Variants in KCNN2 observed in about 807,000 individuals in gnomAD.
KCNN2 encodes the protein potassium calcium-activated channel subfamily N member 2, also known as small conductance calcium-activated potassium channel protein 2.
In KCNN2, 24 loss-of-function variants were observed where a neutral mutation model predicts 55.5. That is an observed-to-expected ratio of 0.43 (90% CI 0.31 to 0.61). The LOEUF (loss-of-function observed/expected upper bound fraction) is 0.61. Among genes scored for constraint, KCNN2 ranks in the 20% least tolerant of loss-of-function variants. KCNN2 has a pLI of 0.08. For synonymous variants in KCNN2, 431 were observed against 336.1 expected, an observed-to-expected ratio of 1.28 and a Z score of -3.09; for missense variants, 754 against 853.6, an observed-to-expected ratio of 0.88 and a Z score of 1.45.
chr5:114,318,610 TG>T (rs2150028532), intron 2 of KCNN2, among the ~76,000 whole-genome samples: 1 of 151,282 alleles, frequency 6.6e-6, no homozygotes, highest in African/African-American at 2.4e-5. Context: ...TAATTGTATA[TG>T]ATAATTCATA....
chr5:114,405,030 A>G (rs1297811230), intron 3 of KCNN2, among the ~76,000 whole-genome samples, 174 bp downstream of exon 3: 1 of 152,180 alleles, frequency 6.6e-6, no homozygotes, highest in East Asian at 1.9e-4. Context: ...TTTTTCGTAG[A>G]GCAAATGCCT....
chr5:114,277,478 C>T (rs1331451709), intron 2 of KCNN2, among the ~76,000 whole-genome samples: 1 of 152,194 alleles, frequency 6.6e-6, no homozygotes, highest in African/African-American at 2.4e-5. Flanking sequence ...GTACACCAAT[C>T]AAACATAGAT....
intron 2 of KCNN2, among the ~76,000 whole-genome samples, chr5:114,267,652 T>G (rs527310758): frequency 9.9e-5 from 15 of 152,176 alleles, no homozygotes; most frequent in Non-Finnish European, 1.9e-4. Flanking sequence ...AGTTCTGTTT[T>G]ATTTTTGAGT....
intron 2 of KCNN2, among the ~76,000 whole-genome samples, chr5:114,262,441 G>A (rs535593234): frequency 1.3e-3 from 193 of 152,232 alleles, no homozygotes; most frequent in Middle Eastern, 6.8e-3. Context: ...TAAGCCTTAC[G>A]AACCTTTTTC....
intron 2 of KCNN2, among the ~76,000 whole-genome samples, chr5:114,229,805 G>C (rs1754319276): frequency 1.3e-5 from 2 of 152,074 alleles, no homozygotes; most frequent in African/African-American, 2.4e-5. Flanking sequence ...ATGGCAATGT[G>C]GTGAAAATGG....
intron 1 of KCNN2, among the ~76,000 whole-genome samples, chr5:114,168,983 T>A (rs1031402354): frequency 2.0e-5 from 3 of 152,148 alleles, no homozygotes; most frequent in African/African-American, 7.2e-5. Flanking sequence ...CTGCCCTTGC[T>A]GTTCTAATGA....
At chr5:114,181,091 C>G (rs1561512107) in intron 1 of KCNN2, among the ~76,000 whole-genome samples, 1 of 152,156 alleles carries the variant, frequency 6.6e-6, no homozygotes, top group East Asian at 1.9e-4. Flanking sequence ...TATGAATACT[C>G]TCATGCAAGT....
chr5:114,441,920 C>T (rs1458469644), intron 3 of KCNN2, among the ~76,000 whole-genome samples: 2 of 152,038 alleles, frequency 1.3e-5, no homozygotes, highest in Non-Finnish European at 2.9e-5. Context: ...CAGTGAGTAG[C>T]CAAAAATGCA....
chr5:114,334,383 T>C (rs538063423), intron 2 of KCNN2, among the ~76,000 whole-genome samples: 4 of 151,904 alleles, frequency 2.6e-5, no homozygotes, highest in African/African-American at 7.2e-5. Context: ...AGGCTCTTTG[T>C]CTAAAAAATG....
chr5:114,115,110 G>A (rs997879218), intron 1 of KCNN2, among the ~76,000 whole-genome samples: 2 of 152,054 alleles, frequency 1.3e-5, no homozygotes, highest in Non-Finnish European at 2.9e-5. Flanking sequence ...TCTTTGCTCT[G>A]AATGAATTTA....
At chr5:114,481,208 G>T (rs1167495344) in intron 5 of KCNN2, among the ~76,000 whole-genome samples, 2 of 152,138 alleles carry the variant, frequency 1.3e-5, no homozygotes, top group Admixed American at 1.3e-4. Context: ...ACCACCAACA[G>T]GCAAGCAGAG....
intron 1 of KCNN2, among the ~76,000 whole-genome samples, chr5:114,162,675 G>T (rs1454052564): frequency 6.6e-6 from 1 of 152,130 alleles, no homozygotes; most frequent in Admixed American, 6.6e-5. Context: ...TGGTCACTTT[G>T]TTTACCTGCT....
At chr5:114,427,239 A>G (rs1189038215) in intron 3 of KCNN2, among the ~76,000 whole-genome samples, 1 of 152,214 alleles carries the variant, frequency 6.6e-6, no homozygotes, top group African/African-American at 2.4e-5. Flanking sequence ...GTACTTTAAG[A>G]ATCTTGCCAT....
intron 1 of KCNN2, among the ~76,000 whole-genome samples, chr5:114,152,443 T>C (rs1580563117): frequency 6.6e-6 from 1 of 152,218 alleles, no homozygotes; most frequent in East Asian, 1.9e-4. Flanking sequence ...AGTCAAGTTA[T>C]TTGCAAATAT....
chr5:114,213,126 A>G (rs1374685700), intron 1 of KCNN2, among the ~76,000 whole-genome samples: 1 of 152,022 alleles, frequency 6.6e-6, no homozygotes, highest in African/African-American at 2.4e-5. Flanking sequence ...TCTCAAGGCC[A>G]TTAGAAATTC....
chr5:114,320,386 G>A (rs1363778986), intron 2 of KCNN2, among the ~76,000 whole-genome samples: 4 of 152,182 alleles, frequency 2.6e-5, no homozygotes, highest in Non-Finnish European at 5.9e-5. Flanking sequence ...GGCTGAGGCG[G>A]GCGGATCATG....
chr5:114,431,366 G>T (rs1388048136), intron 3 of KCNN2, among the ~76,000 whole-genome samples: 1 of 151,916 alleles, frequency 6.6e-6, no homozygotes, highest in Admixed American at 6.6e-5. Flanking sequence ...GTTGTCAAAT[G>T]TGTGGGCAGA....
chr5:114,147,204 A>G (rs554522228), intron 1 of KCNN2, among the ~76,000 whole-genome samples: 104 of 152,270 alleles, frequency 6.8e-4, no homozygotes, highest in African/African-American at 2.4e-3. Context: ...TGAACGAGTA[A>G]GTTTTGGTAG....
chr5:114,385,079 G>T (rs1758234812), intron 2 of KCNN2, among the ~76,000 whole-genome samples: 1 of 152,136 alleles, frequency 6.6e-6, no homozygotes, highest in South Asian at 2.1e-4. Flanking sequence ...TTAAAGGTAT[G>T]CAGATGTGTT....
Sources: allele counts gnomAD v4.1 joint callset (sites outside exome capture counted in the v4.1 genomes callset), GRCh38; gene constraint gnomAD v4.1.1; transcripts MANE v1.5; gene names NCBI Gene and HGNC (gene_info 2026-07-23, HGNC 2026-07-21).